MIB1: variants seen among roughly 807,000 people sequenced by gnomAD.
MIB1 encodes the protein MIB E3 ubiquitin protein ligase 1.
MIB1 carries 278 observed loss-of-function variants against 124.5 expected under a neutral mutation model. The ratio of observed to expected loss-of-function variants is 2.23; its 90% CI spans 2.02 to 2.47. The LOEUF (loss-of-function observed/expected upper bound fraction) is 2.47. Ranked by LOEUF, MIB1 falls within the 30% of genes most tolerant of loss-of-function variation. The pLI, the probability that MIB1 is intolerant of heterozygous loss-of-function variation, is 0.00. For missense variants in MIB1, 957 were observed against 1,254.4 expected (o/e 0.76, Z 3.58); for synonymous variants, 446 against 429.4 (o/e 1.04, Z -0.48).
intron 12 of MIB1, among the ~76,000 whole-genome samples, chr18:21,825,281 C>T (rs1047019771): frequency 3.3e-5 from 5 of 152,104 alleles, no homozygotes; most frequent in African/African-American, 1.2e-4. Context: ...TTACAGTTTT[C>T]TTTAATTTAA....
chr18:21,833,703 G>A (rs763958121), intron 12 of MIB1, among the ~76,000 whole-genome samples: 23 of 152,198 alleles, frequency 1.5e-4, no homozygotes, highest in Non-Finnish European at 2.9e-4. Flanking sequence ...CTGCATACCA[G>A]TGTAGACAGC....
At chr18:21,786,367 G>T (rs556533062) in intron 6 of MIB1, among the ~76,000 whole-genome samples, 1 of 152,358 alleles carries the variant, frequency 6.6e-6, no homozygotes, top group East Asian at 1.9e-4. Flanking sequence ...AAAGTGCTGG[G>T]ATTACAGGCG....
intron 1 of MIB1, among the ~76,000 whole-genome samples, chr18:21,722,470 A>G (rs981522355): frequency 3.9e-5 from 6 of 152,022 alleles, no homozygotes; most frequent in African/African-American, 1.4e-4. Context: ...TCCTGGGTTC[A>G]GGCAATTCTC....
At position 21,869,701 on chromosome 18, in the gene MIB1, T is replaced by C. The variant is rs1478490843; in HGVS notation, c.*5035T>C. The C allele has an allele frequency of 1.3e-5, 2 of 152,358 alleles. No individual in the cohort carries two copies. The highest frequency in any genetic ancestry group is 1.3e-4 in the Admixed American group (2 of 15,242). 9.4% of individuals were successfully genotyped at this position (152,358 alleles called of 1,614,324 possible). A position where few individuals can be genotyped will look rare whatever the true frequency, so the allele number is the denominator to read the frequency against. On this transcript the variant is annotated 3_prime_UTR_variant, in exon 21 of 21. Coordinates refer to ENST00000261537, the MANE Select transcript of MIB1 (RefSeq NM_020774.4). ...TATGCAAAGTCATCTATAAGTAGCA[T>C]CTGGGAAGAGGAGATCGAGGCCACA...
intron 1 of MIB1, among the ~76,000 whole-genome samples, chr18:21,714,454 C>G (rs1034919044): frequency 5.9e-5 from 9 of 152,126 alleles, no homozygotes; most frequent in Non-Finnish European, 1.0e-4. Flanking sequence ...CACTCCTGCT[C>G]AGTATATTTT....
At chr18:21,819,175 C>T (rs2041857212) in intron 11 of MIB1, among the ~76,000 whole-genome samples, 1 of 152,112 alleles carries the variant, frequency 6.6e-6, no homozygotes, top group Non-Finnish European at 1.5e-5. Flanking sequence ...GTACCTAGGA[C>T]TATAGGTGCA....
At chr18:21,742,186 G>A (rs746693511) in intron 1 of MIB1, among the ~76,000 whole-genome samples, 8 of 151,940 alleles carry the variant, frequency 5.3e-5, no homozygotes, top group Non-Finnish European at 1.2e-4. Context: ...AGTGATAACT[G>A]TCTGAAGGGA....
chr18:21,713,312 A>G (rs2040673675), intron 1 of MIB1, among the ~76,000 whole-genome samples: 1 of 123,044 alleles, frequency 8.1e-6, no homozygotes, highest in East Asian at 2.3e-4. Context: ...TATTTAATTA[A>G]TAAATTAAAG....
At chr18:21,788,517 A>T (rs2041463254) in intron 6 of MIB1, among the ~76,000 whole-genome samples, 2 of 152,222 alleles carry the variant, frequency 1.3e-5, no homozygotes, top group South Asian at 4.1e-4. Context: ...CATCATCCTT[A>T]ATGATGAAAG....
chr18:21,793,820 C>T (rs1157461502), intron 7 of MIB1: 1 of 110,032 alleles, frequency 9.1e-6, no homozygotes, highest in Non-Finnish European at 1.9e-5. Flanking sequence ...AAAGGCATAT[C>T]AGAAAGATAC....
At chr18:21,862,604 G>A (rs1317892204) in intron 20 of MIB1, among the ~76,000 whole-genome samples, 1 of 152,098 alleles carries the variant, frequency 6.6e-6, no homozygotes, top group Non-Finnish European at 1.5e-5. Flanking sequence ...AGGCTAATTT[G>A]TTTTAATTCA....
At chr18:21,814,060 T>C (rs886181785) in intron 10 of MIB1, among the ~76,000 whole-genome samples, 2 of 152,154 alleles carry the variant, frequency 1.3e-5, no homozygotes, top group African/African-American at 4.8e-5. Flanking sequence ...TGCAGGCAGT[T>C]TTTCCCCTTT....
intron 2 of MIB1, among the ~76,000 whole-genome samples, chr18:21,767,032 G>A (rs934796579): frequency 6.6e-6 from 1 of 152,168 alleles, no homozygotes; most frequent in African/African-American, 2.4e-5. Context: ...ATACTTGAGT[G>A]TAGAATCTTT....
At chr18:21,785,857 T>A (rs941685198) in intron 6 of MIB1, among the ~76,000 whole-genome samples, 2 of 152,230 alleles carry the variant, frequency 1.3e-5, no homozygotes, top group African/African-American at 2.4e-5. Flanking sequence ...CCCTCCATGT[T>A]TGAAGGAAAG....
intron 4 of MIB1, among the ~76,000 whole-genome samples, chr18:21,776,479 C>T (rs1490951617): frequency 1.3e-5 from 2 of 152,126 alleles, no homozygotes; most frequent in African/African-American, 4.8e-5. Context: ...TAATCATCTA[C>T]TATATACACC....
chr18:21,743,760 C>G (rs1157221424), intron 1 of MIB1, among the ~76,000 whole-genome samples: 3 of 152,036 alleles, frequency 2.0e-5, no homozygotes, highest in Non-Finnish European at 4.4e-5. Context: ...GTAATTGTAG[C>G]TTTATGAGGA....
Position 21,741,650 on chromosome 18 carries a change from G to A in MIB1, c.67G>A (p.Asp23Asn). Residue 23 changes from aspartate (D) to asparagine (N), a missense_variant, in exon 1 of 21, where the codon GAC becomes AAC. Physicochemically the swap from Asp to Asn is conservative, Grantham distance 23. Coordinates refer to ENST00000261537, the MANE Select transcript of MIB1 (RefSeq NM_020774.4). This position sits in a 1 kb window ranked among gnomAD's most constrained non-coding sequence, Gnocchi z 5.4. ...GVGARVVRGP[D>N]WKWGKQDGGE... ...TGGCGCTCGGGTAGTGCGCGGCCCG[G>A]ACTGGAAGTGGGGGAAGCAGGACGG... The A allele has an allele frequency of 6.2e-7, 1 of 1,610,810 alleles. No homozygotes were observed. Among genetic ancestry groups the A allele is most frequent in the Non-Finnish European group, 8.5e-7 (1 of 1,179,124 alleles).
intron 3 of MIB1, among the ~76,000 whole-genome samples, chr18:21,770,568 C>G (rs953105512): frequency 1.3e-5 from 2 of 152,138 alleles, no homozygotes; most frequent in African/African-American, 4.8e-5. Context: ...GATCCTCCTG[C>G]CTCCACCTCC....
intron 9 of MIB1, among the ~76,000 whole-genome samples, chr18:21,801,863 G>A (rs1227207587): frequency 6.6e-6 from 1 of 152,056 alleles, no homozygotes; most frequent in African/African-American, 2.4e-5. Context: ...TGCCCACTTG[G>A]AGTGTCTTCT....
Sources: allele counts gnomAD v4.1 joint callset (sites outside exome capture counted in the v4.1 genomes callset), GRCh38; gene constraint gnomAD v4.1.1; non-coding constraint Gnocchi (gnomAD v3.1); transcripts MANE v1.5; gene names NCBI Gene and HGNC (gene_info 2026-07-23, HGNC 2026-07-21).